LRRC8C: variants seen among roughly 807,000 people sequenced by gnomAD.
The protein encoded by LRRC8C is volume-regulated anion channel subunit LRRC8C.
In LRRC8C, 20 loss-of-function variants were observed where a neutral mutation model predicts 55.3. The observed-to-expected ratio is 0.36, with a 90% CI of 0.25 to 0.53. The LOEUF (loss-of-function observed/expected upper bound fraction) is 0.53. LRRC8C is among the 20% of genes least tolerant of loss of function. The pLI is 0.92. For synonymous variants in LRRC8C, 376 were observed against 360.7 expected (o/e 1.04, Z -0.48); for missense variants, 659 against 951.4 (o/e 0.69, Z 4.04).
chr1:89,671,717 G>A (rs1657421361), intron 1 of LRRC8C, among the ~76,000 whole-genome samples: 1 of 152,168 alleles, frequency 6.6e-6, no homozygotes, highest in African/African-American at 2.4e-5. Context: ...TGATGTTTAC[G>A]CTGAATTAAT....
Position 89,651,544 on chromosome 1 carries a change from G to A in LRRC8C, c.-5+18222G>A, listed in dbSNP as rs1018951656. On this transcript the variant is annotated intron_variant, in intron 1 of 2. Transcript: ENST00000370454. ...GATCGCGCCACTGCACTCCAGTCTC[G>A]GTGACAGAGCGAGACTCTGTCTCAA... Among the ~76,000 whole-genome samples the A allele has an allele frequency of 4.2e-5, 6 of 143,630 alleles. No homozygotes were observed. The East Asian group carries it at 1.0e-3, about 24-fold the overall frequency. The allele number at this position is 143,630 out of a possible 152,430, so 94.2% of individuals were successfully genotyped here.
chr1:89,638,714 G>A (rs1311097370), intron 1 of LRRC8C, among the ~76,000 whole-genome samples: 1 of 151,982 alleles, frequency 6.6e-6, no homozygotes, highest in Non-Finnish European at 1.5e-5. Context: ...AAGGTTTCTA[G>A]TCCCAATTTT....
chr1:89,641,356 T>C (rs1286022795), intron 1 of LRRC8C, among the ~76,000 whole-genome samples: 2 of 152,196 alleles, frequency 1.3e-5, no homozygotes, highest in African/African-American at 4.8e-5. Flanking sequence ...ATTTAAAAAA[T>C]GTGGGTTCAA....
intron 1 of LRRC8C, among the ~76,000 whole-genome samples, chr1:89,681,063 A>G (rs1383380615): frequency 5.3e-5 from 8 of 152,256 alleles, no homozygotes; most frequent in Admixed American, 4.6e-4. Flanking sequence ...GAGGAAATAT[A>G]AAATAGAAAA....
intron 1 of LRRC8C, among the ~76,000 whole-genome samples, chr1:89,680,372 C>T (rs1012695987): frequency 9.2e-5 from 14 of 151,770 alleles, no homozygotes; most frequent in Middle Eastern, 3.4e-3. Context: ...CCACCGTGCC[C>T]GGCCAACTTT....
chr1:89,627,916 T>G, the LRRC8C span, among the ~76,000 whole-genome samples: 3 of 152,336 alleles, frequency 2.0e-5, no homozygotes, highest in East Asian at 5.8e-4. Flanking sequence ...TTATAGGAAA[T>G]TCTCATTGGA....
In LRRC8C at chr1:89,714,144, T is replaced by G. The variant is rs199876585; in HGVS notation, c.1574T>G (p.Leu525Arg). 6.8e-5 allele frequency: 109 copies of G among 1,614,142 alleles called. No individual in the cohort carries two copies. The East Asian group carries it at 2.1e-3, about 31-fold the overall frequency. The change falls in exon 3 of 3, where the codon CTA (leucine) becomes CGA (arginine). Residue 525 changes from leucine (L) to arginine (R), a missense_variant. Transcript: ENST00000370454. This position sits in a 1 kb window ranked among gnomAD's most constrained non-coding sequence, Gnocchi z 4.6. ...NLEELYLVGS[L>R]SHDISRNVTL... The stretch of plus-strand genomic sequence containing the variant: ...GAAGAGCTGTACCTAGTTGGCTCTC[T>G]AAGTCATGATATTTCCAGAAATGTC...
chr1:89,712,818 C>T lies in LRRC8C; in HGVS notation c.248C>T (p.Pro83Leu), dbSNP rs1390562872. 2 of 1,614,090 alleles carry T rather than the reference C, an allele frequency of 1.2e-6. No homozygotes were observed. The highest frequency in any genetic ancestry group is 3.3e-5 in the Admixed American group (2 of 60,006). Residue 83 changes from proline (P) to leucine (L), a missense_variant, in exon 3 of 3, where the codon CCA becomes CTA. Coordinates refer to ENST00000370454, the MANE Select transcript of LRRC8C (RefSeq NM_032270.5). ...GTTGCCAGTACCACTCCACTGCCTC[C>T]ACCTAAACCATCTCCTGCTAACCCC... ...QAVASTTPLP[P>L]PKPSPANPIT...
chr1:89,712,500 C>T (rs1388121787), intron 2 of LRRC8C, among the ~76,000 whole-genome samples: 1 of 152,096 alleles, frequency 6.6e-6, no homozygotes, highest in African/African-American at 2.4e-5. Context: ...TGTTTTATGT[C>T]ATAACTTAGA....
At chr1:89,658,699 A>G (rs1331495837) in intron 1 of LRRC8C, among the ~76,000 whole-genome samples, 4 of 152,204 alleles carry the variant, frequency 2.6e-5, no homozygotes, top group Non-Finnish European at 5.9e-5. Context: ...TTTCATTCTG[A>G]GTGATAAACT....
chr1:89,712,324 G>T (rs1658671021), intron 2 of LRRC8C, among the ~76,000 whole-genome samples: 1 of 152,182 alleles, frequency 6.6e-6, no homozygotes, highest in African/African-American at 2.4e-5. Flanking sequence ...TGTTGGCCAG[G>T]CTGGTTTCAA....
the LRRC8C span, among the ~76,000 whole-genome samples, chr1:89,622,334 A>ATTTTTT: frequency 1.2e-4 from 15 of 127,224 alleles, 1 homozygote; most frequent in Non-Finnish European, 1.1e-4. Flanking sequence ...ATACATGTAA[A>ATTTTTT]ATTTTTTTTT....
intron 1 of LRRC8C, among the ~76,000 whole-genome samples, chr1:89,649,223 G>A (rs879089763): frequency 2.0e-5 from 3 of 152,110 alleles, no homozygotes; most frequent in East Asian, 1.9e-4. Context: ...TTTTAATGAC[G>A]TTTAACAAAC....
intron 1 of LRRC8C, among the ~76,000 whole-genome samples, chr1:89,647,227 G>A (rs1053747495): frequency 4.6e-5 from 7 of 151,994 alleles, no homozygotes; most frequent in African/African-American, 1.7e-4. Flanking sequence ...GCAAATCTTC[G>A]GTGCTACCTA....
At chr1:89,627,606 G>A in the LRRC8C span, among the ~76,000 whole-genome samples, 1 of 151,984 alleles carries the variant, frequency 6.6e-6, no homozygotes, top group Non-Finnish European at 1.5e-5. Flanking sequence ...ATAACTGATG[G>A]GTTCCATTTA....
chr1:89,663,739 C>T (rs1657181000), intron 1 of LRRC8C, among the ~76,000 whole-genome samples: 1 of 152,104 alleles, frequency 6.6e-6, no homozygotes, highest in Admixed American at 6.5e-5. Context: ...TTTACACTCC[C>T]ACCAACAGTG....
chr1:89,689,830 A>G (rs1657980119), intron 2 of LRRC8C, among the ~76,000 whole-genome samples: 1 of 151,908 alleles, frequency 6.6e-6, no homozygotes, highest in African/African-American at 2.4e-5. Flanking sequence ...AATCCCAGCT[A>G]CTCGGGAGGC....
chr1:89,685,694 G>T (rs914734514), intron 1 of LRRC8C, among the ~76,000 whole-genome samples: 4 of 152,054 alleles, frequency 2.6e-5, no homozygotes. Context: ...CCAGAGCCGT[G>T]GGTGCACCCT....
At chr1:89,664,496 T>C (rs574474037) in intron 1 of LRRC8C, among the ~76,000 whole-genome samples, 2 of 152,176 alleles carry the variant, frequency 1.3e-5, no homozygotes, top group Non-Finnish European at 2.9e-5. Flanking sequence ...GTTCCATTGG[T>C]CTATATTTGT....
Sources: allele counts gnomAD v4.1 joint callset (sites outside exome capture counted in the v4.1 genomes callset), GRCh38; gene constraint gnomAD v4.1.1; non-coding constraint Gnocchi (gnomAD v3.1); transcripts MANE v1.5; gene names NCBI Gene and HGNC (gene_info 2026-07-23, HGNC 2026-07-21).